EPRS1: variants seen among roughly 807,000 people sequenced by gnomAD.
EPRS1 encodes the protein bifunctional glutamate/proline--tRNA ligase.
In EPRS1, 107 loss-of-function variants were observed where a neutral mutation model predicts 188.3. The observed-to-expected ratio is 0.57, with a 90% CI of 0.49 to 0.67. The LOEUF is 0.67. Among genes scored for constraint, EPRS1 ranks in the 30% least tolerant of loss-of-function variants. The pLI is 0.00. For missense variants in EPRS1, 1,577 were observed against 1,802.2 expected, an observed-to-expected ratio of 0.88 and a Z score of 2.26; for synonymous variants, 596 against 593.1, an observed-to-expected ratio of 1.00 and a Z score of -0.07.
At chr1:220,018,590 G>GAAA (rs35962858) in intron 11 of EPRS1, 82 bp from the exon 12 acceptor site, 6,135 of 606,504 alleles carry the variant, frequency 0.01, 3 homozygotes, top group South Asian at 0.016. Context: ...AGCATGTTTA[G>GAAA]AAAAAAAAAA....
intron 5 of EPRS1, 107 bp from the exon 6 acceptor site, chr1:220,030,587 TATG>T: frequency 1.3e-6 from 1 of 754,306 alleles, no homozygotes; most frequent in East Asian, 2.6e-5. Flanking sequence ...TTATGAAAAA[TATG>T]ATGACTAGAA....
chr1:219,981,445 G>A lies in EPRS1; in HGVS notation c.3386C>T (p.Ala1129Val), dbSNP rs775379670. Residue 1129 changes from alanine (A) to valine (V), a missense_variant, in exon 24 of 32, where the codon GCA (alanine) becomes GTA (valine). Physicochemically the swap from Ala to Val is moderately conservative, Grantham distance 64. Around this residue, in one of 3 missense-constraint regions of EPRS1, gnomAD observed 1,278 missense variants for 1,457.4 expected, o/e 0.88. Transcript: ENST00000366923. ...RPTSETVMYP[A>V]YAKWVQSHRD... is the part of the protein sequence containing the mutation. The stretch of plus-strand genomic sequence containing the variant: ...GTGTGACTGTACCCATTTTGCATAT[G>A]CAGGATACATTACTGAAAGACACGG... The A allele has an allele frequency of 6.2e-7, 1 of 1,600,522 alleles. No homozygotes were observed. The highest frequency in any genetic ancestry group is 1.1e-5 in the South Asian group (1 of 88,546).
In EPRS1 at chr1:219,990,684, G is replaced by C. The variant is rs116365659; in HGVS notation, c.2542-1861C>G. 3.9e-3 allele frequency among the ~76,000 whole-genome samples: 600 copies of C among 152,198 alleles called. 4 individuals are homozygous for C. The highest frequency in any genetic ancestry group is 0.014 in the African/African-American group (565 of 41,536). On this transcript the variant is annotated intron_variant, in intron 18 of 31. Coordinates refer to ENST00000366923, the MANE Select transcript of EPRS1 (RefSeq NM_004446.3). ...GCATTTTAATCCTAGTAACATGCTA[G>C]GAAAACTGCTTTTCGAAAGAGATGT...
In EPRS1 at chr1:220,018,921, T is replaced by TA; in HGVS notation, c.1434+73dup. On this transcript the variant is annotated intron_variant, in intron 11 of 31. Coordinates refer to ENST00000366923, the MANE Select transcript of EPRS1 (RefSeq NM_004446.3). ...GGAATAGAAAGAACAACAGAGATAA[T>TA]AAAGAGTAAAGGGACAGTAATAGAA... The TA allele has an allele frequency of 4.6e-6, 4 of 874,944 alleles. No individual in the cohort carries two copies. In the Admixed American group the frequency reaches 9.0e-5, roughly 20 times the overall value. 54.2% of individuals were successfully genotyped at this position (874,944 alleles called of 1,614,324 possible). A position where few individuals can be genotyped will look rare whatever the true frequency, so the allele number is the denominator to read the frequency against.
intron 5 of EPRS1, among the ~76,000 whole-genome samples, chr1:220,031,957 C>A (rs186628420): frequency 1.1e-4 from 17 of 152,020 alleles, no homozygotes; most frequent in African/African-American, 3.6e-4. Flanking sequence ...AATGTGAAAC[C>A]AAGACTTAAA....
At chr1:220,008,290 T>C (rs1266512469) in intron 13 of EPRS1, among the ~76,000 whole-genome samples, 1 of 151,938 alleles carries the variant, frequency 6.6e-6, no homozygotes, top group East Asian at 1.9e-4. Context: ...GTATTATCTA[T>C]ATAGATATAG....
chr1:219,982,814 C>A lies in EPRS1; in HGVS notation c.3331G>T (p.Glu1111Ter). 6.2e-7 allele frequency: 1 copy of A among 1,614,060 alleles called. No individual in the cohort carries two copies. Among genetic ancestry groups the A allele is most frequent in the Non-Finnish European group, 8.5e-7 (1 of 1,179,948 alleles). Residue 1111 changes from glutamate to a stop codon, truncating the protein, a stop_gained, in exon 23 of 32, where the codon GAG becomes TAG. Transcript: ENST00000366923. LOFTEE classifies it high-confidence loss of function. ...CGAATGGCAATTGGTTCTGCCAGCT[C>A]GGTTTTGCCAGATCTTGTAACCCAA... ...VAWVTRSGKT[E>*]LAEPIAIRPT...
intron 18 of EPRS1, among the ~76,000 whole-genome samples, chr1:219,995,232 G>A (rs1336988993): frequency 1.3e-5 from 2 of 152,152 alleles, no homozygotes; most frequent in Admixed American, 1.3e-4. Flanking sequence ...AACCTCAACA[G>A]TGATATTTTA....
At chr1:219,974,754 T>C (rs1037642597) in intron 28 of EPRS1, among the ~76,000 whole-genome samples, 1 of 152,214 alleles carries the variant, frequency 6.6e-6, no homozygotes, top group Non-Finnish European at 1.5e-5. Flanking sequence ...TTATCCAATG[T>C]ATTATACTGG....
chr1:219,986,956 C>G (rs934268560), intron 20 of EPRS1, among the ~76,000 whole-genome samples, 186 bp downstream of exon 20: 5 of 152,098 alleles, frequency 3.3e-5, no homozygotes, highest in African/African-American at 1.2e-4. Context: ...ATTCTTGAAC[C>G]AAACAAACGT....
chr1:220,046,463 G>A lies in EPRS1; in HGVS notation c.-75C>T. On this transcript the variant is annotated 5_prime_UTR_variant, in exon 1 of 32. Coordinates refer to ENST00000366923, the MANE Select transcript of EPRS1 (RefSeq NM_004446.3). ...ACTACGGAGGACCCCGCGAAAGGAAGAAGATGCAACGTGTGCGCGTACCCG... is the reference window on the plus strand; with the variant it reads ...ACTACGGAGGACCCCGCGAAAGGAAAAAGATGCAACGTGTGCGCGTACCCG... 2 of 1,592,668 alleles carry A rather than the reference G, an allele frequency of 1.3e-6. No individual in the cohort carries two copies. The highest frequency in any genetic ancestry group is 8.5e-7 in the Non-Finnish European group (1 of 1,171,066).
intron 23 of EPRS1, 46 bp from the exon 24 acceptor site, chr1:219,981,503 C>A: frequency 8.0e-7 from 1 of 1,252,598 alleles, no homozygotes; most frequent in Non-Finnish European, 1.1e-6. Flanking sequence ...GGCTTTATTT[C>A]TCCTTTAGGG....
rs189258159 is a variant in EPRS1 at position 220,010,021 on chromosome 1, G to A, written c.1605+925C>T. On this transcript the variant is annotated intron_variant, in intron 13 of 31. Transcript: ENST00000366923. ...TAAGGCATGAGAATCACTTGAAGCC[G>A]GGAGGCAGAAGTTGCAGTGAGCCAG... Among the ~76,000 whole-genome samples the A allele has an allele frequency of 1.2e-4, 18 of 149,394 alleles. No homozygotes were observed. The East Asian group carries it at 1.4e-3, about 12-fold the overall frequency.
At chr1:219,976,732 G>GA (rs1553318520) in intron 28 of EPRS1, among the ~76,000 whole-genome samples, 1 of 152,142 alleles carries the variant, frequency 6.6e-6, no homozygotes, top group Non-Finnish European at 1.5e-5. Context: ...GAAGAAGAGA[G>GA]AAAACGGCAT....
At chr1:220,038,082 CTTT>C (rs35446521) in intron 2 of EPRS1, among the ~76,000 whole-genome samples, 2 of 133,934 alleles carry the variant, frequency 1.5e-5, no homozygotes, top group African/African-American at 2.8e-5. Context: ...TCAGCTTTAT[CTTT>C]TTTTTTTTTT....
At chr1:219,992,932 A>C (rs1661152476) in intron 18 of EPRS1, among the ~76,000 whole-genome samples, 1 of 151,192 alleles carries the variant, frequency 6.6e-6, no homozygotes, top group South Asian at 2.1e-4. Context: ...AAAAAAATTC[A>C]TTTACAAAGA....
At chr1:220,018,970 A>G in intron 11 of EPRS1, 25 bp downstream of exon 11, 2 of 1,520,742 alleles carry the variant, frequency 1.3e-6, no homozygotes, top group South Asian at 1.1e-5. Context: ...CAAACAGACA[A>G]GCTGGAAAAG....
intron 15 of EPRS1, 105 bp downstream of exon 15, chr1:220,006,001 A>T: frequency 1.7e-6 from 1 of 605,348 alleles, no homozygotes; most frequent in Non-Finnish European, 2.7e-6. Flanking sequence ...ATAAAATTCT[A>T]CACATCTTAT....
rs1394740497 is a variant in EPRS1 at position 219,984,235 on chromosome 1, C to CT, written c.3060dup (p.Glu1021ArgfsTer6). On this transcript the variant is annotated frameshift_variant, in exon 21 of 32. Transcript: ENST00000366923. LOFTEE classifies it high-confidence loss of function. ...GAATACCAATCAGCAAGATTTTCTT[C>CT]TTTTTTTGCCTCAAGACCCAACCTG... 6.2e-7 allele frequency: 1 copy of CT among 1,613,480 alleles called. No homozygotes were observed. The highest frequency in any genetic ancestry group is 8.5e-7 in the Non-Finnish European group (1 of 1,179,548).
Sources: allele counts gnomAD v4.1 joint callset (sites outside exome capture counted in the v4.1 genomes callset), GRCh38; gene constraint gnomAD v4.1.1; regional missense constraint gnomAD v4.1.1; transcripts MANE v1.5; gene names NCBI Gene and HGNC (gene_info 2026-07-23, HGNC 2026-07-21).